Variants in CAPS2 observed in about 807,000 individuals in gnomAD.
CAPS2 encodes the protein calcyphosin-2.
Under a neutral mutation model 86.5 loss-of-function variants are expected in CAPS2, and 98 were observed. That is an observed-to-expected ratio of 1.13 (90% confidence interval 0.96 to 1.34). The LOEUF (loss-of-function observed/expected upper bound fraction) is 1.34. Ranked by LOEUF, CAPS2 falls within the 40% of genes most tolerant of loss-of-function variation. The pLI is 0.00. For missense variants in CAPS2, 729 were observed against 686.8 expected, an observed-to-expected ratio of 1.06 and a Z score of -0.69; for synonymous variants, 210 against 225.1, an observed-to-expected ratio of 0.93 and a Z score of 0.60.
chr12:75,375,685 T>G (rs2044613028), intron 1 of CAPS2, among the ~76,000 whole-genome samples: 1 of 152,346 alleles, frequency 6.6e-6, no homozygotes, highest in East Asian at 1.9e-4. Context: ...AACAATGCTG[T>G]AGGCTTCCTA....
intron 5 of CAPS2, among the ~76,000 whole-genome samples, chr12:75,318,596 T>C (rs1354915155): frequency 6.6e-6 from 1 of 152,084 alleles, no homozygotes; most frequent in Non-Finnish European, 1.5e-5. Context: ...ACTAGCCTGC[T>C]CCTCAGGTGT....
intron 1 of CAPS2, among the ~76,000 whole-genome samples, chr12:75,348,948 G>A (rs1205363515): frequency 3.3e-5 from 5 of 152,142 alleles, no homozygotes; most frequent in East Asian, 1.9e-4. Flanking sequence ...TCAGGTCATG[G>A]AATATGAAAT....
chr12:75,307,202 G>T (rs1262837769), intron 7 of CAPS2, among the ~76,000 whole-genome samples: 2 of 152,168 alleles, frequency 1.3e-5, no homozygotes, highest in African/African-American at 4.8e-5. Context: ...AAGAATATTG[G>T]TGTCTCCCAC....
At chr12:75,297,105 CCTTT>C (rs1409473013) in intron 11 of CAPS2, among the ~76,000 whole-genome samples, 1 of 149,974 alleles carries the variant, frequency 6.7e-6, no homozygotes, top group Non-Finnish European at 1.5e-5. Flanking sequence ...TTCTTTCTTT[CCTTT>C]CTTTCTTGGA....
intron 8 of CAPS2, among the ~76,000 whole-genome samples, chr12:75,303,372 T>A (rs2038054202): frequency 6.6e-6 from 1 of 152,208 alleles, no homozygotes; most frequent in Admixed American, 6.5e-5. Context: ...GTAATTTCAT[T>A]TACATAAATT....
At chr12:75,279,215 C>G in intron 16 of CAPS2, 150 bp from the exon 17 acceptor site, 1 of 730,456 alleles carries the variant, frequency 1.4e-6, no homozygotes, top group East Asian at 2.8e-5. Flanking sequence ...TACACATGAA[C>G]TGGAATTATT....
At chr12:75,347,108 G>C (rs998286463) in intron 1 of CAPS2, among the ~76,000 whole-genome samples, 1 of 151,164 alleles carries the variant, frequency 6.6e-6, no homozygotes, top group African/African-American at 2.4e-5. Flanking sequence ...CTTACAGCAG[G>C]CATCTTTGAA....
chr12:75,355,504 C>T (rs1274947885), intron 1 of CAPS2, among the ~76,000 whole-genome samples: 1 of 152,082 alleles, frequency 6.6e-6, no homozygotes, highest in Non-Finnish European at 1.5e-5. Flanking sequence ...GAAATAGGAA[C>T]GTTTTTACAC....
At chr12:75,334,860 G>C (rs1405663342), upstream of CAPS2, 1 of 1,614,090 alleles carries the variant, frequency 6.2e-7, no homozygotes, top group Non-Finnish European at 8.5e-7. Flanking sequence ...ACAACGAATG[G>C]CGTGGCAAAG....
At chr12:75,333,024 C>A (rs191629647), upstream of CAPS2, among the ~76,000 whole-genome samples, 30 of 152,244 alleles carry the variant, frequency 2.0e-4, no homozygotes, top group African/African-American at 7.2e-4. Flanking sequence ...GTGGCTGATG[C>A]AGAATAAGCC....
intron 1 of CAPS2, chr12:75,325,515 T>C (rs1460097510): frequency 6.4e-6 from 1 of 157,264 alleles, no homozygotes; most frequent in East Asian, 1.9e-4. Flanking sequence ...GGAGAAGACT[T>C]TCTCTCAAAT....
chr12:75,361,476 C>T (rs2043588086), intron 1 of CAPS2, among the ~76,000 whole-genome samples: 1 of 152,190 alleles, frequency 6.6e-6, no homozygotes, highest in African/African-American at 2.4e-5. Flanking sequence ...CTGCCTCCTG[C>T]CACTCTCAAC....
chr12:75,279,048 C>A lies in CAPS2; in HGVS notation c.1630G>T (p.Glu544Ter). 1.9e-6 allele frequency: 3 copies of A among 1,596,648 alleles called. No homozygotes were observed. Among genetic ancestry groups the A allele is most frequent in the Non-Finnish European group, 2.6e-6 (3 of 1,173,526 alleles). The change falls in exon 17 of 17, where the codon GAA becomes TAA. Residue 544 changes from glutamate to a stop codon, truncating the protein, a stop_gained. Transcript: ENST00000393284. LOFTEE classifies it high-confidence loss of function. ...GTTTCTAGAAAGGATGATTTGATTT[C>A]TTCCTCTGTTGAATGGCCTATAAAA...
intron 1 of CAPS2, 67 bp downstream of exon 2, chr12:75,326,351 G>T: frequency 1.6e-6 from 1 of 620,152 alleles, no homozygotes; most frequent in Non-Finnish European, 2.9e-6. Context: ...CATAAAACAT[G>T]AAGAAAAGGT....
chr12:75,296,611 G>C (rs890883234), intron 11 of CAPS2, among the ~76,000 whole-genome samples: 1 of 152,124 alleles, frequency 6.6e-6, no homozygotes. Context: ...TTTTATGCAG[G>C]TGCATCTATG....
chr12:75,338,992 C>A (rs1593655439), intron 1 of CAPS2, among the ~76,000 whole-genome samples: 1 of 152,186 alleles, frequency 6.6e-6, no homozygotes, highest in East Asian at 1.9e-4. Context: ...TTTTCTTTAT[C>A]CATTCTATCA....
intron 1 of CAPS2, chr12:75,367,099 G>A (rs2139663652): frequency 1.4e-6 from 1 of 692,072 alleles, no homozygotes; most frequent in East Asian, 2.7e-5. Context: ...AATTTGGGGA[G>A]AAAACGTAAT....
chr12:75,377,863 G>A (rs201158362), intron 1 of CAPS2, among the ~76,000 whole-genome samples: 50 of 1,368 alleles, frequency 0.037, no homozygotes, highest in South Asian at 0.2. Flanking sequence ...ATATATATGC[G>A]TGTGTGTGTG....
chr12:75,315,636 A>C (rs1347621753), intron 6 of CAPS2, among the ~76,000 whole-genome samples: 1 of 152,182 alleles, frequency 6.6e-6, no homozygotes, highest in Non-Finnish European at 1.5e-5. Flanking sequence ...CTTTGTTACT[A>C]TTTATGCTAT....
Sources: gnomAD v4.1 joint callset for allele counts (sites outside exome capture counted in the v4.1 genomes callset) on GRCh38, gnomAD v4.1.1 for gene constraint, MANE v1.5 for transcripts, NCBI Gene and HGNC (gene_info 2026-07-23, HGNC 2026-07-21) for gene names.